Variants in WDR17 observed in about 807,000 individuals in gnomAD.
WDR17 encodes the protein WD repeat-containing protein 17.
In WDR17, 143 loss-of-function variants were observed where a neutral mutation model predicts 161.7. The observed-to-expected ratio is 0.88, with a 90% CI of 0.77 to 1.02. WDR17 has a LOEUF of 1.02. Among genes scored for constraint, WDR17 ranks in the 50% least tolerant of loss-of-function variants. The pLI is 0.00. For missense variants in WDR17, 1,469 were observed against 1,520.9 expected (o/e 0.97, Z 0.57); for synonymous variants, 517 against 515.6 (o/e 1.00, Z -0.04).
chr4:176,129,240 C>A (rs1742971878), intron 6 of WDR17, among the ~76,000 whole-genome samples: 1 of 151,972 alleles, frequency 6.6e-6, no homozygotes. Flanking sequence ...AAAATCTGTA[C>A]AGTTTACAAC....
In WDR17 at chr4:176,099,803, AT is replaced by A. The variant is rs563488961; in HGVS notation, c.-6-11764del. On this transcript the variant is annotated intron_variant, in intron 1 of 28. Transcript: ENST00000508596. ...TCCACTTTTGTGTCCATGTGTACAC[AT>A]TTTTTTTACTACCCAGTTATGAATG... 3.9e-3 allele frequency among the ~76,000 whole-genome samples: 592 copies of A among 151,638 alleles called. 4 individuals are homozygous for A. Among genetic ancestry groups the A allele is most frequent in the African/African-American group, 0.014 (562 of 41,364 alleles).
intron 18 of WDR17, among the ~76,000 whole-genome samples, chr4:176,156,752 G>T (rs1376180683): frequency 6.6e-6 from 1 of 151,964 alleles, no homozygotes; most frequent in Non-Finnish European, 1.5e-5. Flanking sequence ...AGTTCTGGAG[G>T]CCAGAAGTCT....
chr4:176,085,727 T>C (rs925317418), intron 1 of WDR17, among the ~76,000 whole-genome samples: 5 of 152,064 alleles, frequency 3.3e-5, no homozygotes, highest in Non-Finnish European at 7.4e-5. Flanking sequence ...TGAGTTGATA[T>C]AAGGGAAGCA....
chr4:176,172,648 A>C, intron 24 of WDR17, 132 bp downstream of exon 24: 1 of 839,396 alleles, frequency 1.2e-6, no homozygotes, highest in Non-Finnish European at 1.8e-6. Context: ...TTTATAAAGA[A>C]AGTAGATTTA....
chr4:176,074,810 CTTT>C (rs386357678), intron 1 of WDR17, among the ~76,000 whole-genome samples: 1 of 79,196 alleles, frequency 1.3e-5, no homozygotes, highest in Non-Finnish European at 2.3e-5. Context: ...TTTTTTAATG[CTTT>C]TTTTTTTTTT....
rs1733741196 is a variant in WDR17 at position 176,074,767 on chromosome 4, C to T, written c.-7+8688C>T. Among the ~76,000 whole-genome samples, 7 of 148,138 alleles carry T rather than the reference C, an allele frequency of 4.7e-5. No individual in the cohort carries two copies. In the South Asian group the frequency reaches 1.5e-3, roughly 32 times the overall value. On this transcript the variant is annotated intron_variant, in intron 1 of 28. Coordinates refer to ENST00000508596, the MANE Select transcript of WDR17 (RefSeq NM_181265.4). ...CCTGTGCTAATTTTGTGATTCCCTGCTACAAGAATAAAAGCTCTGGGCATG... is the reference window on the plus strand; with the variant it reads ...CCTGTGCTAATTTTGTGATTCCCTGTTACAAGAATAAAAGCTCTGGGCATG...
At chr4:176,136,702 T>C (rs978754921) in intron 8 of WDR17, among the ~76,000 whole-genome samples, 1 of 151,370 alleles carries the variant, frequency 6.6e-6, no homozygotes, top group Non-Finnish European at 1.5e-5. Context: ...TATCTTAGTG[T>C]AGATACCAGA....
chr4:176,118,975 A>T (rs1741098622), intron 3 of WDR17, among the ~76,000 whole-genome samples: 1 of 151,818 alleles, frequency 6.6e-6, no homozygotes, highest in Admixed American at 6.6e-5. Context: ...AATAATAATT[A>T]TTATAAAATA....
chr4:176,141,426 A>T (rs1745236019), intron 10 of WDR17, among the ~76,000 whole-genome samples: 1 of 152,156 alleles, frequency 6.6e-6, no homozygotes. Flanking sequence ...TCCTCAATTT[A>T]AAAAAATTCT....
At chr4:176,162,212 T>A in intron 21 of WDR17, 38 bp downstream of exon 21, 1 of 1,572,218 alleles carries the variant, frequency 6.4e-7, no homozygotes, top group Non-Finnish European at 8.7e-7. Context: ...AATGAAAAGT[T>A]TTTTAGATAT....
intron 1 of WDR17, among the ~76,000 whole-genome samples, chr4:176,079,715 T>C (rs1274719168): frequency 6.6e-6 from 1 of 152,080 alleles, no homozygotes; most frequent in Non-Finnish European, 1.5e-5. Context: ...AGAAAATAAG[T>C]TTATTTCTTA....
chr4:176,142,246 T>C lies in WDR17; in HGVS notation c.1529+177T>C, dbSNP rs138639649. On this transcript the variant is annotated intron_variant, in intron 11 of 28. Transcript: ENST00000508596. ...GCTCATTTATTTTAGTTATTTTTATTCCATGAAGTTTTTACATGATTTACA... is the reference window on the plus strand; with the variant it reads ...GCTCATTTATTTTAGTTATTTTTATCCCATGAAGTTTTTACATGATTTACA... Among the ~76,000 whole-genome samples, 683 of 152,318 alleles carry C rather than the reference T, an allele frequency of 4.5e-3. 5 individuals carry two copies. Among genetic ancestry groups the C allele is most frequent in the African/African-American group, 0.016 (656 of 41,570 alleles).
intron 16 of WDR17, among the ~76,000 whole-genome samples, chr4:176,150,884 C>G (rs1314184839): frequency 6.6e-6 from 1 of 152,112 alleles, no homozygotes; most frequent in African/African-American, 2.4e-5. Flanking sequence ...GACATGTGGA[C>G]TATTCTAATT....
At chr4:176,085,099 T>C (rs1735262213) in intron 1 of WDR17, among the ~76,000 whole-genome samples, 1 of 152,018 alleles carries the variant, frequency 6.6e-6, no homozygotes, top group Non-Finnish European at 1.5e-5. Flanking sequence ...CATTTTCATA[T>C]GCATTTTAGA....
Position 176,160,095 on chromosome 4 carries a change from GTCAGCTTAAAGAAGC to G in WDR17, c.2630_2644del (p.Gln877_Ala881del), listed in dbSNP as rs1394792977. The G allele has an allele frequency of 1.2e-6, 2 of 1,613,836 alleles. No homozygotes were observed. Among genetic ancestry groups the G allele is most frequent in the Admixed American group, 3.3e-5 (2 of 60,002 alleles). ...CTAGTCCATTTTTTCATGTCAAGAG[GTCAGCTTAAAGAAGC>G]TCTGCTTGTTGCACAGGTAAAACCA... On this transcript the variant is annotated inframe_deletion, in exon 19 of 29. Transcript: ENST00000508596.
At chr4:176,130,392 G>C (rs1477813833) in intron 6 of WDR17, among the ~76,000 whole-genome samples, 1 of 152,126 alleles carries the variant, frequency 6.6e-6, no homozygotes, top group Non-Finnish European at 1.5e-5. Flanking sequence ...CTCAGATTCT[G>C]AGAAATGAAT....
intron 22 of WDR17, among the ~76,000 whole-genome samples, chr4:176,163,508 T>C (rs1336139333): frequency 1.3e-5 from 2 of 152,224 alleles, no homozygotes; most frequent in African/African-American, 4.8e-5. Flanking sequence ...CATTCTGAAG[T>C]AGCCCAGTTG....
chr4:176,137,491 G>T (rs776136676), intron 8 of WDR17, 29 bp from the exon 9 acceptor site: 236 of 1,533,028 alleles, frequency 1.5e-4, no homozygotes, highest in Non-Finnish European at 2.0e-4. Context: ...GAAACATTTA[G>T]TATAATGTCT....
chr4:176,133,184 ATT>A (rs1313121933), intron 7 of WDR17, among the ~76,000 whole-genome samples: 2 of 75,718 alleles, frequency 2.6e-5, no homozygotes, highest in Admixed American at 1.2e-4. Context: ...TTTTATTTTT[ATT>A]TTTTTTTTTT....
Sources: gnomAD v4.1 joint callset for allele counts (sites outside exome capture counted in the v4.1 genomes callset) on GRCh38, gnomAD v4.1.1 for gene constraint, MANE v1.5 for transcripts, NCBI Gene and HGNC (gene_info 2026-07-23, HGNC 2026-07-21) for gene names.